FGF14: variants seen among roughly 807,000 people sequenced by gnomAD.
The protein encoded by FGF14 is fibroblast growth factor homologous factor 4.
In FGF14, 5 loss-of-function variants were observed where a neutral mutation model predicts 25.5. The observed-to-expected ratio is 0.20, with a 90% CI of 0.10 to 0.41. The LOEUF (loss-of-function observed/expected upper bound fraction) is 0.41. Among genes scored for constraint, FGF14 ranks in the 10% least tolerant of loss-of-function variants. The pLI is 1.00. For missense variants in FGF14, 222 were observed against 320.1 expected (o/e 0.69, Z 2.34); for synonymous variants, 138 against 118.3 (o/e 1.17, Z -1.08).
rs542525721 is a variant in FGF14 at position 102,012,262 on chromosome 13, G to T, written c.209-136966C>A. Among the ~76,000 whole-genome samples the T allele has an allele frequency of 5.9e-5, 9 of 152,226 alleles. No individual in the cohort carries two copies. In the East Asian group the frequency reaches 1.7e-3, roughly 29 times the overall value. ...TCATGGTCTCAGCTACACAAGCCAT[G>T]AATATTATGAAAATTAAAATTTCAT... On this transcript the variant is annotated intron_variant, in intron 1 of 4. Transcript: ENST00000376131.
rs995550900 is a variant in FGF14, at chr13:101,711,145, T to C, written c.*11686A>G. The C allele has an allele frequency of 4.6e-5, 7 of 152,232 alleles. No individual in the cohort carries two copies. Among genetic ancestry groups the C allele is most frequent in the Non-Finnish European group, 1.0e-4 (7 of 68,050 alleles). The allele number at this position is 152,232 out of a possible 1,614,324, so 9.4% of individuals were successfully genotyped here. ...TTTGCAAAGTACATGATATAATTCA[T>C]TGTGGGTTGTTTTGTTCATTTGGGG... On this transcript the variant is annotated 3_prime_UTR_variant, in exon 5 of 5. Transcript: ENST00000376143.
At chr13:102,194,028 G>A (rs1463850805) in intron 1 of FGF14, among the ~76,000 whole-genome samples, 3 of 151,814 alleles carry the variant, frequency 2.0e-5, no homozygotes, top group Admixed American at 6.6e-5. Context: ...AGTAAACCAT[G>A]AATACACATT....
chr13:102,272,673 T>G (rs2053308699), intron 1 of FGF14, among the ~76,000 whole-genome samples: 1 of 152,160 alleles, frequency 6.6e-6, no homozygotes, highest in Non-Finnish European at 1.5e-5. Flanking sequence ...TGGTAGTCAT[T>G]GTCATTATCC....
At chr13:102,269,236 T>C (rs1432449833) in intron 1 of FGF14, among the ~76,000 whole-genome samples, 1 of 152,224 alleles carries the variant, frequency 6.6e-6, no homozygotes, top group East Asian at 1.9e-4. Flanking sequence ...CAATTTCTGC[T>C]AATATATCAC....
At chr13:102,166,964 C>A (rs1325305281) in intron 1 of FGF14, among the ~76,000 whole-genome samples, 9 of 151,982 alleles carry the variant, frequency 5.9e-5, no homozygotes, top group Admixed American at 2.0e-4. Flanking sequence ...AGAGGTATTG[C>A]AAACAGAGAT....
At chr13:102,144,013 C>G (rs1458128838) in intron 1 of FGF14, among the ~76,000 whole-genome samples, 1 of 152,082 alleles carries the variant, frequency 6.6e-6, no homozygotes, top group Non-Finnish European at 1.5e-5. Context: ...ACACAGCACG[C>G]ATATTATTTT....
chr13:102,377,209 T>C (rs920733845), intron 1 of FGF14, among the ~76,000 whole-genome samples: 1 of 152,176 alleles, frequency 6.6e-6, no homozygotes, highest in African/African-American at 2.4e-5. Context: ...ATTTATAGTG[T>C]TCAGGTGTGA....
chr13:102,357,629 C>A (rs1231955513), intron 1 of FGF14, among the ~76,000 whole-genome samples: 2 of 152,078 alleles, frequency 1.3e-5, no homozygotes, highest in Non-Finnish European at 2.9e-5. Flanking sequence ...ATTCCATAGC[C>A]TATAAAATGT....
At chr13:101,989,545 A>T (rs1379918427) in intron 1 of FGF14, among the ~76,000 whole-genome samples, 1 of 152,136 alleles carries the variant, frequency 6.6e-6, no homozygotes, top group African/African-American at 2.4e-5. Context: ...ATGATTAATG[A>T]AATGCTACAG....
intron 3 of FGF14, among the ~76,000 whole-genome samples, chr13:101,845,454 T>C (rs1022734731): frequency 4.6e-5 from 7 of 151,958 alleles, no homozygotes; most frequent in Non-Finnish European, 1.0e-4. Context: ...AAGGCAAATG[T>C]AAAGGTGAAT....
At chr13:101,894,743 T>G (rs1045106140) in intron 1 of FGF14, among the ~76,000 whole-genome samples, 2 of 152,030 alleles carry the variant, frequency 1.3e-5, no homozygotes, top group Non-Finnish European at 2.9e-5. Context: ...TACTGTAAGA[T>G]TAAAGAAAAA....
intron 1 of FGF14, among the ~76,000 whole-genome samples, chr13:101,948,536 A>T (rs1037631323): frequency 1.3e-5 from 2 of 151,432 alleles, no homozygotes; most frequent in African/African-American, 4.8e-5. Context: ...GCAGACTTCT[A>T]GGCTTCTCTA....
At chr13:102,387,401 G>A (rs1287978312) in intron 1 of FGF14, among the ~76,000 whole-genome samples, 1 of 151,888 alleles carries the variant, frequency 6.6e-6, no homozygotes, top group Non-Finnish European at 1.5e-5. Flanking sequence ...TGATCATAAA[G>A]GTTACTAAAA....
At chr13:102,376,490 A>T (rs1476560701) in intron 1 of FGF14, among the ~76,000 whole-genome samples, 1 of 152,064 alleles carries the variant, frequency 6.6e-6, no homozygotes, top group Non-Finnish European at 1.5e-5. Flanking sequence ...GCCCTCATTC[A>T]TTCCCAGGTT....
At chr13:102,348,617 C>T (rs1338282705) in intron 1 of FGF14, among the ~76,000 whole-genome samples, 1 of 152,154 alleles carries the variant, frequency 6.6e-6, no homozygotes, top group Non-Finnish European at 1.5e-5. Flanking sequence ...GGTGGTTATT[C>T]CAGAGCAGTG....
chr13:102,043,671 T>A (rs2041847642), intron 1 of FGF14, among the ~76,000 whole-genome samples: 1 of 152,082 alleles, frequency 6.6e-6, no homozygotes, highest in African/African-American at 2.4e-5. Flanking sequence ...TAAAAGCAAA[T>A]ATCTGACCGA....
chr13:102,338,843 G>A (rs1245074332), intron 1 of FGF14, among the ~76,000 whole-genome samples: 2 of 151,712 alleles, frequency 1.3e-5, no homozygotes, highest in Admixed American at 6.6e-5. Flanking sequence ...GTGAAACCCC[G>A]TCTTTAAAAT....
At chr13:102,382,963 T>A (rs2058218605) in intron 1 of FGF14, among the ~76,000 whole-genome samples, 1 of 152,088 alleles carries the variant, frequency 6.6e-6, no homozygotes, top group Non-Finnish European at 1.5e-5. Flanking sequence ...AATAGAGAGT[T>A]ACTGCTAATA....
intron 3 of FGF14, among the ~76,000 whole-genome samples, chr13:101,818,018 T>A (rs1486319575): frequency 6.6e-6 from 1 of 152,218 alleles, no homozygotes; most frequent in African/African-American, 2.4e-5. Context: ...TCAAGATGCA[T>A]CTAAGTGCTT....
Sources: gnomAD v4.1 joint callset for allele counts (sites outside exome capture counted in the v4.1 genomes callset) on GRCh38, gnomAD v4.1.1 for gene constraint, MANE v1.5 for transcripts, NCBI Gene and HGNC (gene_info 2026-07-23, HGNC 2026-07-21) for gene names.